Variants in TIMP2 observed in about 807,000 individuals in gnomAD.
TIMP2 encodes the protein TIMP metallopeptidase inhibitor 2.
A neutral mutation model predicts 24.3 loss-of-function variants in TIMP2; 5 were observed. That is an observed-to-expected ratio of 0.21 (90% CI 0.11 to 0.43). TIMP2 has a LOEUF of 0.43. Among genes scored for constraint, TIMP2 ranks in the 20% least tolerant of loss-of-function variants. The pLI, the probability that TIMP2 is intolerant of heterozygous loss-of-function variation, is 1.00. For missense variants in TIMP2, 221 were observed against 297.5 expected (o/e 0.74, Z 1.89); for synonymous variants, 130 against 123.2 (o/e 1.06, Z -0.37).
At chr17:78,921,540 T>A (rs902395348) in intron 1 of TIMP2, among the ~76,000 whole-genome samples, 2 of 152,192 alleles carry the variant, frequency 1.3e-5, no homozygotes, top group African/African-American at 4.8e-5. Context: ...GCTCCAGGCA[T>A]GGGACTGCCT....
In TIMP2 at chr17:78,909,802, C is replaced by A. The variant is rs901549850; in HGVS notation, c.130+15157G>T. On this transcript the variant is annotated intron_variant, in intron 1 of 4. Coordinates refer to ENST00000262768, the MANE Select transcript of TIMP2 (RefSeq NM_003255.5). ...TTTCTCCCTTATTCCACCCCCCGCC[C>A]CCCACAACATTACGGGACCCAGGCC... 2.6e-5 allele frequency among the ~76,000 whole-genome samples: 4 copies of A among 152,292 alleles called. No homozygotes were observed. The East Asian group carries it at 7.7e-4, about 29-fold the overall frequency.
intron 3 of TIMP2, among the ~76,000 whole-genome samples, chr17:78,862,154 T>C (rs1045160619): frequency 3.3e-5 from 5 of 152,204 alleles, no homozygotes; most frequent in Non-Finnish European, 7.3e-5. Context: ...ATGAGTCTCC[T>C]GGTGCCCGAC....
Position 78,883,776 on chromosome 17 carries a change from A to G in TIMP2, c.131-9857T>C, listed in dbSNP as rs1219715695. Among the ~76,000 whole-genome samples the G allele has an allele frequency of 5.9e-5, 9 of 152,136 alleles. No homozygotes were observed. The East Asian group carries it at 1.5e-3, about 26-fold the overall frequency. ...ATCTATCAGAGCACCTCAGCCACGC[A>G]GAGCAAAGCCGCCCTCTCTGCCCAG... On this transcript the variant is annotated intron_variant, in intron 1 of 4. Coordinates refer to ENST00000262768, the MANE Select transcript of TIMP2 (RefSeq NM_003255.5).
chr17:78,922,315 C>T (rs1023188622), intron 1 of TIMP2: 1 of 152,178 alleles, frequency 6.6e-6, no homozygotes, highest in African/African-American at 2.4e-5. Context: ...GGTTGTTTAT[C>T]CCAAGTTGGT....
chr17:78,887,736 G>GA (rs34363852), intron 1 of TIMP2, among the ~76,000 whole-genome samples: 209 of 127,388 alleles, frequency 1.6e-3, no homozygotes, highest in African/African-American at 1.7e-3. Flanking sequence ...TTTTTCTGGG[G>GA]AAAAAAAAAA....
At chr17:78,879,902 CG>C (rs1486887354) in intron 1 of TIMP2, among the ~76,000 whole-genome samples, 1 of 151,850 alleles carries the variant, frequency 6.6e-6, no homozygotes, top group Non-Finnish European at 1.5e-5. Flanking sequence ...CGAGCGCACC[CG>C]CCAGAGTGGG....
chr17:78,866,008 CAA>C (rs1336410104), intron 3 of TIMP2, among the ~76,000 whole-genome samples: 1 of 144,792 alleles, frequency 6.9e-6, no homozygotes, highest in African/African-American at 2.7e-5. Flanking sequence ...TGGATAGGAA[CAA>C]ACAGGATGCA....
intron 1 of TIMP2, among the ~76,000 whole-genome samples, chr17:78,878,503 C>T (rs2145758631): frequency 6.6e-6 from 1 of 152,324 alleles, no homozygotes; most frequent in South Asian, 2.1e-4. Flanking sequence ...CATCATGCCA[C>T]TCAGGTACAC....
intron 1 of TIMP2, among the ~76,000 whole-genome samples, chr17:78,908,295 C>A (rs2070179149): frequency 6.6e-6 from 1 of 152,156 alleles, no homozygotes; most frequent in South Asian, 2.1e-4. Flanking sequence ...CTAAATACTT[C>A]CATGTGTCCT....
Position 78,921,213 on chromosome 17 carries a change from T to C in TIMP2, c.130+3746A>G, listed in dbSNP as rs538219202. The stretch of plus-strand genomic sequence containing the variant: ...ACTATCTGTCTGGTCCCTGTCACTG[T>C]GTCCCCCAGGAACCAGGTCACCCTT... On this transcript the variant is annotated intron_variant, in intron 1 of 4. Coordinates refer to ENST00000262768, the MANE Select transcript of TIMP2 (RefSeq NM_003255.5). Among the ~76,000 whole-genome samples, 9 of 152,324 alleles carry C rather than the reference T, an allele frequency of 5.9e-5. No homozygotes were observed. In the South Asian group the frequency reaches 1.7e-3, roughly 28 times the overall value.
At chr17:78,868,746 A>G (rs913255102) in intron 3 of TIMP2, among the ~76,000 whole-genome samples, 5 of 152,274 alleles carry the variant, frequency 3.3e-5, no homozygotes, top group East Asian at 3.9e-4. Flanking sequence ...TGCACTAGCC[A>G]TATCTCGGGT....
Position 78,855,295 on chromosome 17 carries a change from T to C in TIMP2, c.*372A>G, listed in dbSNP as rs1392969504. 6.6e-6 allele frequency: 2 copies of C among 304,684 alleles called. No individual in the cohort carries two copies. Among genetic ancestry groups the C allele is most frequent in the South Asian group, 3.8e-5 (1 of 26,124 alleles). 18.9% of individuals were successfully genotyped at this position (304,684 alleles called of 1,614,324 possible). On this transcript the variant is annotated 3_prime_UTR_variant, in exon 5 of 5. Coordinates refer to ENST00000262768, the MANE Select transcript of TIMP2 (RefSeq NM_003255.5). This position sits in a 1 kb window ranked among gnomAD's most constrained non-coding sequence, Gnocchi z 6.0. ...ACGACCCTCAAAAGTTTCTGCAAAATGCACATTTCCAGGCCCTGCCCTAAC... is the reference window on the plus strand; with the variant it reads ...ACGACCCTCAAAAGTTTCTGCAAAACGCACATTTCCAGGCCCTGCCCTAAC...
At chr17:78,869,995 G>GC (rs2069661622) in intron 3 of TIMP2, among the ~76,000 whole-genome samples, 2 of 1,676 alleles carry the variant, frequency 1.2e-3, no homozygotes, top group African/African-American at 6.0e-3. Context: ...GTGGGCCAAG[G>GC]CTGAGGAAGA....
chr17:78,862,857 C>A (rs1015561421), intron 3 of TIMP2, among the ~76,000 whole-genome samples: 1 of 152,242 alleles, frequency 6.6e-6, no homozygotes, highest in Non-Finnish European at 1.5e-5. Flanking sequence ...ATAATGGTTT[C>A]CAGCTGCACT....
intron 1 of TIMP2, among the ~76,000 whole-genome samples, chr17:78,916,658 T>C (rs574768458): frequency 1.1e-3 from 164 of 152,142 alleles, no homozygotes; most frequent in Non-Finnish European, 1.6e-3. Flanking sequence ...CAACACCACC[T>C]TCCTCCTCAG....
chr17:78,867,877 G>A (rs1301310066), intron 3 of TIMP2, among the ~76,000 whole-genome samples: 17 of 152,224 alleles, frequency 1.1e-4, no homozygotes. Context: ...AGGATTACAG[G>A]CGTGAGCCAC....
chr17:78,868,678 T>C (rs368119726), intron 3 of TIMP2, among the ~76,000 whole-genome samples: 1 of 152,130 alleles, frequency 6.6e-6, no homozygotes, highest in African/African-American at 2.4e-5. Flanking sequence ...ATGTGGCTGT[T>C]TACATTTATA....
At chr17:78,908,007 T>A (rs1333257777) in intron 1 of TIMP2, among the ~76,000 whole-genome samples, 1 of 151,996 alleles carries the variant, frequency 6.6e-6, no homozygotes, top group African/African-American at 2.4e-5. Context: ...TAGTGGTGTG[T>A]GTCTGTGGTC....
chr17:78,890,892 G>T lies in TIMP2; in HGVS notation c.131-16973C>A, dbSNP rs575706704. 10 of 1,550,602 alleles carry T rather than the reference G, an allele frequency of 6.4e-6. No individual in the cohort carries two copies. In the East Asian group the frequency reaches 2.2e-4, roughly 34 times the overall value. The stretch of plus-strand genomic sequence containing the variant: ...CTTTGCTCCCTCCTCTCTTTTTCTA[G>T]CTCAGCTTTGTAGTGGATTTCCAAG... On this transcript the variant is annotated intron_variant, in intron 1 of 4. Transcript: ENST00000262768.
Sources: allele counts gnomAD v4.1 joint callset (sites outside exome capture counted in the v4.1 genomes callset), GRCh38; gene constraint gnomAD v4.1.1; non-coding constraint Gnocchi (gnomAD v3.1); transcripts MANE v1.5; gene names NCBI Gene and HGNC (gene_info 2026-07-23, HGNC 2026-07-21).